ZNF44: variants seen among roughly 807,000 people sequenced by gnomAD.
ZNF44 encodes gonadotropin inducible transcription repressor-2.
Under a neutral mutation model 11.7 loss-of-function variants are expected in ZNF44, and 9 were observed. The ratio of observed to expected loss-of-function variants is 0.77; its 90% CI spans 0.46 to 1.35. The LOEUF is 1.35. ZNF44 is among the 40% of genes most tolerant of loss of function. ZNF44 has a pLI of 0.00. For synonymous variants in ZNF44, 224 were observed against 242.7 expected, an observed-to-expected ratio of 0.92 and a Z score of 0.72; for missense variants, 696 against 743.1, an observed-to-expected ratio of 0.94 and a Z score of 0.74.
rs747904478 is a variant in ZNF44 at position 12,248,975 on chromosome 19, C to T, written c.*187-297G>A. On this transcript the variant is annotated intron_variant and NMD_transcript_variant, in intron 7 of 7. Transcript: ENST00000393337. ...TCGCCCAGGCTGGAGTGCAGTGGTG[C>T]GATCTTGGCTCACTGCAACCTCTGC... 2.0e-3 allele frequency among the ~76,000 whole-genome samples: 297 copies of T among 147,446 alleles called. 1 individual carries two copies. The highest frequency in any genetic ancestry group is 2.8e-3 in the Admixed American group (39 of 14,168).
chr19:12,243,544 CACTT>C (rs1318112240), downstream of ZNF44, among the ~76,000 whole-genome samples: 2 of 152,166 alleles, frequency 1.3e-5, no homozygotes, highest in Non-Finnish European at 2.9e-5. Context: ...ATATACATCA[CACTT>C]TCTTTATTCA....
At chr19:12,247,076 C>CA (rs1384747742), downstream of ZNF44, among the ~76,000 whole-genome samples, 1 of 151,368 alleles carries the variant, frequency 6.6e-6, no homozygotes, top group Non-Finnish European at 1.5e-5. Context: ...TAGGAAGAAT[C>CA]AAAAAGGGAT....
chr19:12,248,567 C>T lies in ZNF44; in HGVS notation c.*298G>A, dbSNP rs1482536598. 3 of 1,291,976 alleles carry T rather than the reference C, an allele frequency of 2.3e-6. No individual in the cohort carries two copies. The Admixed American group carries it at 6.9e-5, about 30-fold the overall frequency. 80.0% of individuals were successfully genotyped at this position (1,291,976 alleles called of 1,614,324 possible). ...TTCCACATACACTGCTTTCCCAAAG[C>T]TTTCCTCCAGAAGGAGTTTTCTTGT... On this transcript the variant is annotated 3_prime_UTR_variant and NMD_transcript_variant, in exon 8 of 8. Transcript: ENST00000393337.
chr19:12,226,861 G>A (rs1039395302), intron 3 of ZNF44, among the ~76,000 whole-genome samples: 1 of 152,108 alleles, frequency 6.6e-6, no homozygotes, highest in Non-Finnish European at 1.5e-5. Context: ...GAGGTCAGGA[G>A]TTAAAGACCA....
At chr19:12,270,361 T>C (rs1278057517), downstream of ZNF44, among the ~76,000 whole-genome samples, 1 of 152,008 alleles carries the variant, frequency 6.6e-6, no homozygotes, top group Non-Finnish European at 1.5e-5. Flanking sequence ...AAAGTGTAAG[T>C]GATGTTCTTG....
downstream of ZNF44, among the ~76,000 whole-genome samples, chr19:12,225,785 G>A (rs1404819587): frequency 6.6e-6 from 1 of 152,146 alleles, no homozygotes; most frequent in Non-Finnish European, 1.5e-5. Context: ...GATGAGGTAG[G>A]GGTGAGACTG....
intron 1 of ZNF44, among the ~76,000 whole-genome samples, chr19:12,278,567 C>T (rs1002892543): frequency 2.0e-5 from 3 of 151,748 alleles, no homozygotes; most frequent in African/African-American, 7.3e-5. Context: ...CTCATCTCTA[C>T]AAAAAATAAA....
intron 1 of ZNF44, among the ~76,000 whole-genome samples, chr19:12,294,144 G>T (rs62111303): frequency 4.6e-5 from 7 of 152,246 alleles, no homozygotes; most frequent in African/African-American, 1.7e-4. Flanking sequence ...CTGGCGCCAA[G>T]CAGGCTGAAG....
At chr19:12,279,213 T>C (rs1967364867) in intron 1 of ZNF44, among the ~76,000 whole-genome samples, 1 of 152,120 alleles carries the variant, frequency 6.6e-6, no homozygotes, top group South Asian at 2.1e-4. Context: ...CAAACTAATT[T>C]GGAAATGTTA....
downstream of ZNF44, among the ~76,000 whole-genome samples, chr19:12,269,586 C>T (rs1284018128): frequency 6.6e-6 from 1 of 152,126 alleles, no homozygotes; most frequent in East Asian, 1.9e-4. Flanking sequence ...TGGTCTTGAA[C>T]TCCTGGCCTC....
chr19:12,280,277 T>G (rs1300232331), intron 1 of ZNF44, among the ~76,000 whole-genome samples: 2 of 152,114 alleles, frequency 1.3e-5, no homozygotes, highest in Non-Finnish European at 2.9e-5. Flanking sequence ...CCAGTTGAAC[T>G]AATGAATGAA....
At chr19:12,263,108 G>A (rs536107161) in intron 5 of ZNF44, among the ~76,000 whole-genome samples, 29 of 149,764 alleles carry the variant, frequency 1.9e-4, no homozygotes, top group African/African-American at 5.9e-4. Context: ...TTCCGGAGAC[G>A]GAGTTTCACT....
At chr19:12,260,165 T>C (rs1011011752) in intron 5 of ZNF44, 4 of 765,150 alleles carry the variant, frequency 5.2e-6, no homozygotes, top group African/African-American at 5.1e-5. Flanking sequence ...GCAGAACTGC[T>C]CCAGTTTCTG....
At chr19:12,267,587 G>A (rs1465056439), downstream of ZNF44, among the ~76,000 whole-genome samples, 1 of 152,068 alleles carries the variant, frequency 6.6e-6, no homozygotes, top group Non-Finnish European at 1.5e-5. Flanking sequence ...AGGGGCCCAA[G>A]AGTCTATCAG....
At chr19:12,268,145 G>GACAC (rs71166661), downstream of ZNF44, among the ~76,000 whole-genome samples, 4,041 of 136,790 alleles carry the variant, frequency 0.03, 59 homozygotes, top group Middle Eastern at 0.074. Context: ...CACACACACA[G>GACAC]ACACACACAC....
At chr19:12,250,251 C>T (rs1226149212) in exon 6 of ZNF44, 2 of 1,362,080 alleles carry the variant, frequency 1.5e-6, no homozygotes, top group East Asian at 4.6e-5. Flanking sequence ...CCTATAGTGG[C>T]CAGGTTCCTG....
At chr19:12,240,969 GAC>G (rs1916594053), upstream of ZNF44, among the ~76,000 whole-genome samples, 1 of 152,216 alleles carries the variant, frequency 6.6e-6, no homozygotes, top group South Asian at 2.1e-4. Flanking sequence ...TGCACCAAAA[GAC>G]AACATACAGA....
downstream of ZNF44, chr19:12,244,485 TACC>T (rs1207755863): frequency 6.6e-6 from 1 of 152,554 alleles, no homozygotes; most frequent in Non-Finnish European, 1.5e-5. Flanking sequence ...GTGTCCATTA[TACC>T]ACAGGAAATA....
chr19:12,252,337 T>A (rs2145693253), intron 5 of ZNF44, among the ~76,000 whole-genome samples: 1 of 152,308 alleles, frequency 6.6e-6, no homozygotes, highest in East Asian at 1.9e-4. Flanking sequence ...AGCAAAATTA[T>A]CCTTCAAATG....
Sources: allele counts gnomAD v4.1 joint callset (sites outside exome capture counted in the v4.1 genomes callset), GRCh38; gene constraint gnomAD v4.1.1; transcripts MANE v1.5; gene names NCBI Gene and HGNC (gene_info 2026-07-23, HGNC 2026-07-21).